The following PDE6C variants were observed in gnomAD, a reference collection of about 807,000 sequenced individuals.
PDE6C encodes phosphodiesterase 6C.
In PDE6C, 75 loss-of-function variants were observed where a neutral mutation model predicts 113.1. The ratio of observed to expected loss-of-function variants is 0.66; its 90% confidence interval spans 0.55 to 0.80. PDE6C has a LOEUF of 0.80. Among genes scored for constraint, PDE6C ranks in the 30% least tolerant of loss-of-function variants. The probability of loss-of-function intolerance (pLI) is 0.00; values close to 1 mark genes in which losing one functional copy is unlikely to be tolerated. For missense variants in PDE6C, 912 were observed against 1,038.6 expected (o/e 0.88, Z 1.67); for synonymous variants, 375 against 363.7 (o/e 1.03, Z -0.35).
At chr10:93,636,932 G>T in intron 10 of PDE6C, 63 bp from the exon 11 acceptor site, 1 of 863,998 alleles carries the variant, frequency 1.2e-6, no homozygotes, top group Admixed American at 1.7e-5. Flanking sequence ...TGTAATAGTA[G>T]AGGAATCAGA....
rs2058570156 is a variant in PDE6C, at chr10:93,643,696, ATTCT to A, written c.1848-2261_1848-2258del. 9.0e-5 allele frequency among the ~76,000 whole-genome samples: 10 copies of A among 110,954 alleles called. No individual in the cohort carries two copies. In the South Asian group the frequency reaches 3.2e-3, roughly 36 times the overall value. The allele number at this position is 110,954 out of a possible 152,430, so 72.8% of individuals were successfully genotyped here. Reference sequence around the variant, plus strand: ...CTGAGCTACTGTATGTGGCCAACTAATTCTTTTTTTTTTTTTTCACTAAATCATT... The same window carrying A: ...CTGAGCTACTGTATGTGGCCAACTAATTTTTTTTTTTTTCACTAAATCATT... On this transcript the variant is annotated intron_variant, in intron 14 of 21. Transcript: ENST00000371447.
At chr10:93,631,231 ACAT>A (rs1448602159) in intron 8 of PDE6C, among the ~76,000 whole-genome samples, 1 of 152,156 alleles carries the variant, frequency 6.6e-6, no homozygotes, top group Non-Finnish European at 1.5e-5. Flanking sequence ...TCTCTGGGAA[ACAT>A]CATTGTGGTG....
At chr10:93,664,510 G>A (rs1178447024) in intron 21 of PDE6C, among the ~76,000 whole-genome samples, 1 of 152,178 alleles carries the variant, frequency 6.6e-6, no homozygotes, top group Non-Finnish European at 1.5e-5. Context: ...TCATTTGAGA[G>A]ATTTAAGGTA....
chr10:93,617,668 G>A (rs2058426181), intron 1 of PDE6C, among the ~76,000 whole-genome samples: 1 of 152,154 alleles, frequency 6.6e-6, no homozygotes, highest in South Asian at 2.1e-4. Flanking sequence ...CAGCTACTTA[G>A]GAGGCTGAGG....
At chr10:93,627,219 G>A (rs1033905789) in intron 7 of PDE6C, among the ~76,000 whole-genome samples, 1 of 121,126 alleles carries the variant, frequency 8.3e-6, no homozygotes, top group Admixed American at 1.2e-4. Context: ...CCAAGATCGC[G>A]CCATTGCACT....
intron 1 of PDE6C, among the ~76,000 whole-genome samples, chr10:93,619,558 C>T (rs931752125): frequency 1.3e-5 from 2 of 152,142 alleles, no homozygotes; most frequent in African/African-American, 2.4e-5. Context: ...TCCTGAGTAG[C>T]GGAGATTACA....
At position 93,627,258 on chromosome 10, in the gene PDE6C, C is replaced by CAAGAAAAAAAAA. The variant is rs71031524; in HGVS notation, c.1071+389_1071+390insGAAAAAAAAAAA. 9.5e-5 allele frequency among the ~76,000 whole-genome samples: 5 copies of CAAGAAAAAAAAA among 52,578 alleles called. 1 individual carries two copies. The highest frequency in any genetic ancestry group is 1.9e-4 in the African/African-American group (3 of 15,882). The allele number at this position is 52,578 out of a possible 152,430, so 34.5% of individuals were successfully genotyped here. A position where few individuals can be genotyped will look rare whatever the true frequency, so the allele number is the denominator to read the frequency against. On this transcript the variant is annotated intron_variant, in intron 7 of 21. Transcript: ENST00000371447. ...GCCTGGGCAACAAAGTGAAACTCCA[C>CAAGAAAAAAAAA]AAAAAAAAAAAAAAAAAAAAAAAAG...
chr10:93,652,716 C>T (rs919484262), intron 15 of PDE6C, among the ~76,000 whole-genome samples: 13 of 152,058 alleles, frequency 8.5e-5, no homozygotes, highest in African/African-American at 2.4e-4. Context: ...TTATATATAG[C>T]GTTTTCTTTC....
chr10:93,620,019 G>T (rs781297450), intron 1 of PDE6C, among the ~76,000 whole-genome samples: 5 of 152,060 alleles, frequency 3.3e-5, no homozygotes, highest in Non-Finnish European at 7.4e-5. Context: ...GTTAAGTGAT[G>T]AAACTATTAT....
At chr10:93,663,716 T>C (rs1026983054) in intron 21 of PDE6C, among the ~76,000 whole-genome samples, 1 of 152,164 alleles carries the variant, frequency 6.6e-6, no homozygotes, top group African/African-American at 2.4e-5. Context: ...TGGCATGAGA[T>C]TCCTGTGCCA....
chr10:93,631,686 T>C (rs2058502580), intron 8 of PDE6C, among the ~76,000 whole-genome samples: 1 of 152,200 alleles, frequency 6.6e-6, no homozygotes, highest in Non-Finnish European at 1.5e-5. Flanking sequence ...CACCCTCCTT[T>C]TGTGCTCCGT....
intron 5 of PDE6C, 98 bp from the exon 6 acceptor site, chr10:93,626,542 G>A (rs1231271973): frequency 2.8e-6 from 2 of 712,476 alleles, no homozygotes; most frequent in Non-Finnish European, 5.0e-6. Flanking sequence ...TGGGAAATAA[G>A]GTTCTATTTG....
chr10:93,615,984 C>G (rs1347829033), intron 1 of PDE6C, among the ~76,000 whole-genome samples: 1 of 152,172 alleles, frequency 6.6e-6, no homozygotes, highest in Admixed American at 6.5e-5. Context: ...CCTTACACCC[C>G]TGCAGTTTCA....
intron 8 of PDE6C, among the ~76,000 whole-genome samples, chr10:93,631,527 G>A (rs1054726486): frequency 2.0e-5 from 3 of 152,112 alleles, no homozygotes; most frequent in South Asian, 4.1e-4. Context: ...CCATCCTTCC[G>A]TTTCTCCTTT....
chr10:93,648,572 C>CAAA (rs1414829171), intron 15 of PDE6C, among the ~76,000 whole-genome samples: 1 of 152,094 alleles, frequency 6.6e-6, no homozygotes, highest in African/African-American at 2.4e-5. Flanking sequence ...CATCTGTGGG[C>CAAA]ATTACTCAGA....
At chr10:93,631,880 T>C (rs963414189) in intron 8 of PDE6C, among the ~76,000 whole-genome samples, 1 of 152,252 alleles carries the variant, frequency 6.6e-6, no homozygotes, top group Admixed American at 6.5e-5. Context: ...CTATTGCTGC[T>C]GTCACGAATT....
intron 21 of PDE6C, among the ~76,000 whole-genome samples, chr10:93,664,225 G>A (rs878958416): frequency 6.6e-6 from 1 of 152,176 alleles, no homozygotes; most frequent in Non-Finnish European, 1.5e-5. Flanking sequence ...CACAATTAAC[G>A]ATCTCGAAGA....
chr10:93,658,753 T>C, intron 16 of PDE6C, 148 bp from the exon 17 acceptor site: 3 of 653,510 alleles, frequency 4.6e-6, no homozygotes, highest in Non-Finnish European at 5.5e-6. Context: ...CACCATTCTC[T>C]GCTCTCGTAT....
At chr10:93,640,350 C>T in intron 12 of PDE6C, 100 bp from the exon 13 acceptor site, 1 of 1,241,332 alleles carries the variant, frequency 8.1e-7, no homozygotes, top group Admixed American at 1.7e-5. Flanking sequence ...AGCTTAACCC[C>T]TATCTACAAG....
Sources: gnomAD v4.1 joint callset for allele counts (sites outside exome capture counted in the v4.1 genomes callset) on GRCh38, gnomAD v4.1.1 for gene constraint, MANE v1.5 for transcripts, NCBI Gene and HGNC (gene_info 2026-07-23, HGNC 2026-07-21) for gene names.